BICRAL: variants seen among roughly 807,000 people sequenced by gnomAD.
BICRAL encodes BRD4-interacting chromatin-remodeling complex-associated protein-like.
Under a neutral mutation model 91.8 loss-of-function variants are expected in BICRAL, and 8 were observed. The ratio of observed to expected loss-of-function variants is 0.09; its 90% confidence interval spans 0.05 to 0.16. The LOEUF (loss-of-function observed/expected upper bound fraction) is 0.16. BICRAL is among the 10% of genes least tolerant of loss of function. BICRAL has a pLI of 1.00. For missense variants in BICRAL, 1,038 were observed against 1,310.9 expected, an observed-to-expected ratio of 0.79 and a Z score of 3.21; for synonymous variants, 445 against 491.1, an observed-to-expected ratio of 0.91 and a Z score of 1.24.
At chr6:42,799,842 A>G (rs1763516985) in intron 1 of BICRAL, among the ~76,000 whole-genome samples, 1 of 152,010 alleles carries the variant, frequency 6.6e-6, no homozygotes, top group African/African-American at 2.4e-5. Flanking sequence ...ATATGCTACA[A>G]ATATATTTGT....
chr6:42,850,296 G>C (rs1019458913), intron 6 of BICRAL, among the ~76,000 whole-genome samples: 1 of 152,144 alleles, frequency 6.6e-6, no homozygotes, highest in Non-Finnish European at 1.5e-5. Flanking sequence ...GAGGTGGGCA[G>C]ATCACCTGAG....
At chr6:42,820,833 G>A (rs1764117432) in intron 2 of BICRAL, among the ~76,000 whole-genome samples, 1 of 152,142 alleles carries the variant, frequency 6.6e-6, no homozygotes, top group South Asian at 2.1e-4. Flanking sequence ...GCCGCCAAGG[G>A]GAAGATCACT....
chr6:42,781,627 A>G (rs1461395893), upstream of BICRAL, among the ~76,000 whole-genome samples: 1 of 137,746 alleles, frequency 7.3e-6, no homozygotes, highest in Non-Finnish European at 1.6e-5. Flanking sequence ...GTGTGTGGAG[A>G]GAGAGCCTGC....
At chr6:42,765,522 A>AT (rs1762618650) in intron 1 of BICRAL, among the ~76,000 whole-genome samples, 1 of 152,080 alleles carries the variant, frequency 6.6e-6, no homozygotes, top group Admixed American at 6.6e-5. Flanking sequence ...CATGCATGCT[A>AT]TTTTTTTCTG....
chr6:42,813,932 T>G (rs1393160825), intron 2 of BICRAL, among the ~76,000 whole-genome samples: 1 of 152,062 alleles, frequency 6.6e-6, no homozygotes, highest in Non-Finnish European at 1.5e-5. Flanking sequence ...CAGATGGAAA[T>G]CTGGATTTAC....
intron 6 of BICRAL, among the ~76,000 whole-genome samples, chr6:42,835,689 TC>T (rs1764618019): frequency 6.6e-6 from 1 of 152,106 alleles, no homozygotes; most frequent in African/African-American, 2.4e-5. Flanking sequence ...TCCCAGTACT[TC>T]CCAGCAAGCG....
chr6:42,763,747 G>A (rs111675476), intron 1 of BICRAL, among the ~76,000 whole-genome samples: 28,213 of 151,702 alleles, frequency 0.19, 2,908 homozygotes, highest in Admixed American at 0.25. Context: ...CTTCAACCCG[G>A]GAGGTGGAGG....
At chr6:42,787,421 A>G (rs1763131673) in intron 1 of BICRAL, among the ~76,000 whole-genome samples, 1 of 152,122 alleles carries the variant, frequency 6.6e-6, no homozygotes, top group Non-Finnish European at 1.5e-5. Flanking sequence ...GGGAGTCACT[A>G]GTATACAGAT....
intron 6 of BICRAL, among the ~76,000 whole-genome samples, chr6:42,843,925 A>C (rs1764894174): frequency 6.8e-6 from 1 of 146,976 alleles, no homozygotes; most frequent in Admixed American, 6.9e-5. Context: ...CAGCCTCCTG[A>C]GTAGCTGGGA....
chr6:42,854,357 T>A (rs1337925541), intron 8 of BICRAL, among the ~76,000 whole-genome samples: 1 of 152,100 alleles, frequency 6.6e-6, no homozygotes, highest in Non-Finnish European at 1.5e-5. Flanking sequence ...TGTTTTTTTG[T>A]ATTTTTTGTA....
intron 1 of BICRAL, among the ~76,000 whole-genome samples, chr6:42,771,385 T>G (rs1762722363): frequency 6.6e-6 from 1 of 152,086 alleles, no homozygotes; most frequent in Admixed American, 6.6e-5. Context: ...TTTTTTCTAC[T>G]TTTCTCATTT....
Position 42,830,009 on chromosome 6 carries a change from C to T in BICRAL, c.1676C>T (p.Ser559Phe). 2 of 1,614,228 alleles carry T rather than the reference C, an allele frequency of 1.2e-6. No individual in the cohort carries two copies. The highest frequency in any genetic ancestry group is 1.7e-6 in the Non-Finnish European group (2 of 1,180,034). Reference sequence around the variant, plus strand: ...CCTAGTCTTGGGTCTGCAGTTCAGTCTGGTTCATCAGGATCAAACTTTACA... The same window carrying T: ...CCTAGTCTTGGGTCTGCAGTTCAGTTTGGTTCATCAGGATCAAACTTTACA... ...AHPSLGSAVQ[S>F]GSSGSNFTGD... The change falls in exon 6 of 13, where the codon TCT becomes TTT. Residue 559 changes from serine (S) to phenylalanine (F), a missense_variant. Transcript: ENST00000314073.
chr6:42,827,012 C>G lies in BICRAL; in HGVS notation c.160-1481C>G, dbSNP rs185732758. Among the ~76,000 whole-genome samples, 639 of 152,128 alleles carry G rather than the reference C, an allele frequency of 4.2e-3. 6 individuals carry two copies. The highest frequency in any genetic ancestry group is 0.015 in the African/African-American group (603 of 41,494). ...TGTTGGTCAGGCTGGTCTCAAACTC[C>G]CAACCTCAGGTGATCCGCCCGCCTC... On this transcript the variant is annotated intron_variant, in intron 5 of 12. Coordinates refer to ENST00000314073, the MANE Select transcript of BICRAL (RefSeq NM_001393499.1).
chr6:42,863,150 G>A (rs996352413), intron 12 of BICRAL, among the ~76,000 whole-genome samples: 2 of 149,660 alleles, frequency 1.3e-5, no homozygotes, highest in Admixed American at 6.8e-5. Flanking sequence ...CCGAGTTCAC[G>A]CCATTCTCCT....
chr6:42,829,734 T>C lies in BICRAL; in HGVS notation c.1401T>C (p.Asn467=). 6.2e-7 allele frequency: 1 copy of C among 1,614,146 alleles called. No homozygotes were observed. Among genetic ancestry groups the C allele is most frequent in the Non-Finnish European group, 8.5e-7 (1 of 1,179,984 alleles). The change falls in exon 6 of 13, where the codon AAT becomes AAC. Residue 467 remains asparagine (N), a synonymous_variant. Transcript: ENST00000314073. ...CTGGACCGATGCTTAACAACCAGAA[T>C]ACTGCTGTCCACTTAGTGTCTGGGC... The part of the protein sequence containing the change: ...PYTGPMLNNQ[N]TAVHLVSGQT...
intron 1 of BICRAL, among the ~76,000 whole-genome samples, chr6:42,786,491 A>G (rs1309876692): frequency 8.7e-6 from 1 of 114,302 alleles, no homozygotes; most frequent in Non-Finnish European, 1.7e-5. Context: ...GGGGAAATCT[A>G]AAACTGCTTA....
At chr6:42,786,900 G>C (rs994770095) in intron 1 of BICRAL, among the ~76,000 whole-genome samples, 3 of 151,450 alleles carry the variant, frequency 2.0e-5, no homozygotes, top group Non-Finnish European at 4.4e-5. Flanking sequence ...TGGAGTTGGA[G>C]AGATCCTATA....
chr6:42,859,067 G>A (rs1393828355), intron 10 of BICRAL, among the ~76,000 whole-genome samples: 3 of 151,960 alleles, frequency 2.0e-5, no homozygotes, highest in African/African-American at 4.8e-5. Flanking sequence ...AGGACACCAA[G>A]GAATAGGGTC....
chr6:42,837,667 G>A (rs1764681932), intron 6 of BICRAL, among the ~76,000 whole-genome samples: 1 of 151,718 alleles, frequency 6.6e-6, no homozygotes, highest in Admixed American at 6.6e-5. Flanking sequence ...CAGGAGAATT[G>A]CTTGAACCTG....
Sources: gnomAD v4.1 joint callset for allele counts (sites outside exome capture counted in the v4.1 genomes callset) on GRCh38, gnomAD v4.1.1 for gene constraint, MANE v1.5 for transcripts, NCBI Gene and HGNC (gene_info 2026-07-23, HGNC 2026-07-21) for gene names.